The following ATP8A2 variants were observed in gnomAD, a reference collection of about 807,000 sequenced individuals.
The protein encoded by ATP8A2 is ATPase phospholipid transporting 8A2.
ATP8A2 carries 100 observed loss-of-function variants against 165.6 expected under a neutral mutation model. The ratio of observed to expected loss-of-function variants is 0.60; its 90% CI spans 0.51 to 0.71. ATP8A2 has a LOEUF of 0.71. Ranked by LOEUF, ATP8A2 falls within the 30% of genes least tolerant of loss-of-function variation. ATP8A2 has a pLI of 0.00. For missense variants in ATP8A2, 1,227 were observed against 1,479.5 expected (o/e 0.83, Z 2.80); for synonymous variants, 543 against 548.8 (o/e 0.99, Z 0.15).
chr13:26,015,783 A>C (rs986636199), intron 36 of ATP8A2, among the ~76,000 whole-genome samples: 4 of 152,212 alleles, frequency 2.6e-5, no homozygotes, highest in Non-Finnish European at 5.9e-5. Flanking sequence ...AGTTGGGTCC[A>C]TGAGAGCTCC....
At chr13:25,901,409 A>G (rs992203818) in intron 33 of ATP8A2, among the ~76,000 whole-genome samples, 9 of 140,408 alleles carry the variant, frequency 6.4e-5, no homozygotes, top group Admixed American at 3.5e-4. Context: ...TATGTGAAAG[A>G]AAAAAAAAAA....
chr13:25,878,917 G>T (rs573034181), intron 33 of ATP8A2, among the ~76,000 whole-genome samples: 148 of 152,198 alleles, frequency 9.7e-4, no homozygotes, highest in Non-Finnish European at 4.4e-5. Context: ...CCAGAGCAGG[G>T]TCATGAGTGT....
At chr13:25,432,773 C>A (rs1304099614) in intron 1 of ATP8A2, among the ~76,000 whole-genome samples, 4 of 152,102 alleles carry the variant, frequency 2.6e-5, no homozygotes, top group Non-Finnish European at 5.9e-5. Flanking sequence ...TAGGTGAACT[C>A]CTGGATGTTT....
At chr13:25,900,519 A>G (rs1953710091) in intron 33 of ATP8A2, among the ~76,000 whole-genome samples, 2 of 152,148 alleles carry the variant, frequency 1.3e-5, no homozygotes, top group African/African-American at 2.4e-5. Context: ...GGCTAAGGTG[A>G]TAAAGGAATG....
chr13:25,648,572 G>A (rs1593132682), intron 24 of ATP8A2, among the ~76,000 whole-genome samples: 1 of 152,246 alleles, frequency 6.6e-6, no homozygotes, highest in Non-Finnish European at 1.5e-5. Context: ...TCTGAGGCAG[G>A]AGAATTGCTT....
chr13:25,767,430 T>TCTG (rs1450597026), intron 25 of ATP8A2, among the ~76,000 whole-genome samples: 1 of 152,230 alleles, frequency 6.6e-6, no homozygotes, highest in African/African-American at 2.4e-5. Flanking sequence ...TCTTTTAAGT[T>TCTG]CTGAAGCATG....
chr13:25,721,703 C>G (rs1049225887), intron 25 of ATP8A2, among the ~76,000 whole-genome samples: 20 of 152,192 alleles, frequency 1.3e-4, no homozygotes, highest in African/African-American at 4.3e-4. Flanking sequence ...ATCATGCAGT[C>G]TTGCATGTGT....
intron 2 of ATP8A2, among the ~76,000 whole-genome samples, chr13:25,504,959 G>T (rs1201666523): frequency 6.6e-6 from 1 of 152,076 alleles, no homozygotes; most frequent in East Asian, 1.9e-4. Flanking sequence ...TCTCAGAATT[G>T]TATTTTTTTA....
intron 35 of ATP8A2, among the ~76,000 whole-genome samples, chr13:25,972,687 C>G (rs1203610812): frequency 6.6e-6 from 1 of 152,118 alleles, no homozygotes; most frequent in East Asian, 1.9e-4. Flanking sequence ...CAATGAGGAG[C>G]TAAATGGAAG....
At chr13:25,860,695 A>G (rs761288592) in intron 31 of ATP8A2, 109 bp from the exon 32 acceptor site, 4 of 809,192 alleles carry the variant, frequency 4.9e-6, no homozygotes, top group Non-Finnish European at 8.3e-6. Flanking sequence ...TTCAAACCGG[A>G]GCTGCCTTGG....
intron 1 of ATP8A2, among the ~76,000 whole-genome samples, chr13:25,411,640 T>TA (rs1566112843): frequency 6.6e-6 from 1 of 152,154 alleles, no homozygotes; most frequent in African/African-American, 2.4e-5. Flanking sequence ...TGTATTGTTT[T>TA]AAAAAAATAC....
chr13:25,922,876 T>G (rs995126788), intron 33 of ATP8A2, among the ~76,000 whole-genome samples: 1 of 152,152 alleles, frequency 6.6e-6, no homozygotes, highest in Non-Finnish European at 1.5e-5. Context: ...CCTTGTAGCC[T>G]CATTCCTGCA....
chr13:25,704,034 T>G (rs2043004319), intron 25 of ATP8A2, among the ~76,000 whole-genome samples: 1 of 151,698 alleles, frequency 6.6e-6, no homozygotes, highest in South Asian at 2.1e-4. Flanking sequence ...GAATGAAAGT[T>G]CACTCATTTG....
intron 2 of ATP8A2, among the ~76,000 whole-genome samples, chr13:25,512,985 C>A (rs373768399): frequency 1.5e-5 from 2 of 132,688 alleles, no homozygotes; most frequent in East Asian, 2.2e-4. Flanking sequence ...CCCTCCCGGA[C>A]GGGGTGGCTG....
At chr13:25,813,408 A>ATATGG (rs977605669) in intron 27 of ATP8A2, among the ~76,000 whole-genome samples, 11 of 128,672 alleles carry the variant, frequency 8.5e-5, no homozygotes, top group Admixed American at 4.1e-4. Flanking sequence ...ATATGATATG[A>ATATGG]TATGATATGA....
chr13:25,900,620 G>T (rs1291041857), intron 33 of ATP8A2, among the ~76,000 whole-genome samples: 1 of 152,172 alleles, frequency 6.6e-6, no homozygotes, highest in Non-Finnish European at 1.5e-5. Context: ...GGCACACTGA[G>T]GCGTGTTCAA....
chr13:25,439,403 A>T (rs1451192801), intron 1 of ATP8A2, among the ~76,000 whole-genome samples: 4 of 151,658 alleles, frequency 2.6e-5, no homozygotes, highest in African/African-American at 9.7e-5. Context: ...AGGGCTCCAG[A>T]CTCTATTAGG....
rs369278013 is a variant in ATP8A2, at chr13:25,555,016, A to G, written c.1211A>G (p.Asn404Ser). The change falls in exon 13 of 37, where the codon AAT becomes AGT. Residue 404 changes from asparagine (N) to serine (S), a missense_variant. Transcript: ENST00000381655. ...GACACAGATATGTATTATATAGGAA[A>G]TGACACTCCTGCCATGGCCAGGACA... ...NWDTDMYYIG[N>S]DTPAMARTSN... 28 of 1,611,824 alleles carry G rather than the reference A, an allele frequency of 1.7e-5. No individual in the cohort carries two copies. The African/African-American group carries it at 3.6e-4, about 21-fold the overall frequency.
chr13:25,627,698 G>C (rs1019936317), intron 24 of ATP8A2, among the ~76,000 whole-genome samples: 2 of 152,158 alleles, frequency 1.3e-5, no homozygotes, highest in Non-Finnish European at 2.9e-5. Context: ...CACCCAGTCT[G>C]TGGCATTTTG....
Sources: gnomAD v4.1 joint callset for allele counts (sites outside exome capture counted in the v4.1 genomes callset) on GRCh38, gnomAD v4.1.1 for gene constraint, MANE v1.5 for transcripts, NCBI Gene and HGNC (gene_info 2026-07-23, HGNC 2026-07-21) for gene names.